SEMA6D: variants seen among roughly 807,000 people sequenced by gnomAD.
SEMA6D encodes semaphorin 6D.
SEMA6D carries 35 observed loss-of-function variants against 106.6 expected under a neutral mutation model. The observed-to-expected ratio is 0.33, with a 90% CI of 0.25 to 0.44. SEMA6D has a LOEUF of 0.44. Among genes scored for constraint, SEMA6D ranks in the 20% least tolerant of loss-of-function variants. The probability of loss-of-function intolerance (pLI) is 1.00; values close to 1 mark genes in which losing one functional copy is unlikely to be tolerated. For synonymous variants in SEMA6D, 499 were observed against 487.7 expected (o/e 1.02, Z -0.31); for missense variants, 1,185 against 1,345.9 (o/e 0.88, Z 1.87).
In SEMA6D at chr15:47,242,044, C is replaced by A. The variant is rs545438797; in HGVS notation, c.-239+57626C>A. Among the ~76,000 whole-genome samples, 3 of 152,128 alleles carry A rather than the reference C, an allele frequency of 2.0e-5. No individual in the cohort carries two copies. In the East Asian group the frequency reaches 5.8e-4, roughly 29 times the overall value. On this transcript the variant is annotated intron_variant, in intron 1 of 19. Transcript: ENST00000558014. ...GTTTTGCTATTTAGAACTTGTGTGG[C>A]CTTGGATAAGTCACTCGATCACTCT... is the stretch of plus-strand genomic sequence containing the variant.
intron 3 of SEMA6D, among the ~76,000 whole-genome samples, chr15:47,533,321 C>A (rs537903921): frequency 6.6e-6 from 1 of 152,252 alleles, no homozygotes; most frequent in South Asian, 2.1e-4. Flanking sequence ...CTACTCTCTT[C>A]TGGAAATCAT....
intron 1 of SEMA6D, among the ~76,000 whole-genome samples, chr15:47,287,077 C>T (rs1024765434): frequency 2.6e-5 from 4 of 152,228 alleles, no homozygotes; most frequent in Middle Eastern, 3.4e-3. Flanking sequence ...TAAACAAGCT[C>T]TAGGGAAACG....
At chr15:47,752,070 C>T (rs2081471757) in intron 1 of SEMA6D, among the ~76,000 whole-genome samples, 2 of 152,110 alleles carry the variant, frequency 1.3e-5, no homozygotes, top group South Asian at 4.1e-4. Context: ...GGGGGCAGGA[C>T]TCAGAACCTG....
intron 3 of SEMA6D, among the ~76,000 whole-genome samples, chr15:47,552,076 G>C (rs2045712194): frequency 6.6e-6 from 1 of 151,942 alleles, no homozygotes; most frequent in South Asian, 2.1e-4. Context: ...GTTCATCACA[G>C]CGCTATGTAC....
intron 4 of SEMA6D, among the ~76,000 whole-genome samples, chr15:47,693,320 G>A (rs529396210): frequency 5.9e-5 from 9 of 152,224 alleles, no homozygotes; most frequent in Admixed American, 3.3e-4. Context: ...TGCCAACACC[G>A]TGATTTTGGA....
chr15:47,240,793 C>G (rs1442916373), intron 1 of SEMA6D, among the ~76,000 whole-genome samples: 2 of 152,036 alleles, frequency 1.3e-5, no homozygotes. Flanking sequence ...TTAGTCAAGG[C>G]CAAACATTTT....
At position 47,766,667 on chromosome 15, in the gene SEMA6D, G is replaced by T. The variant is rs1448543506; in HGVS notation, c.1698G>T (p.Gly566=). 2 of 1,606,620 alleles carry T rather than the reference G, an allele frequency of 1.2e-6. No individual in the cohort carries two copies. The highest frequency in any genetic ancestry group is 1.7e-6 in the Non-Finnish European group (2 of 1,173,954). Residue 566 remains glycine, a synonymous_variant, in exon 16 of 19, where the codon GGG becomes GGT. Coordinates refer to ENST00000536845, the MANE Select transcript of SEMA6D (RefSeq NM_001358351.3). ...DTEFGNTAHL[G]DCHEILPTST... is the part of the protein sequence containing the mutation. ...AATTCGGCAACACAGCTCATCTAGGGGACTGCCATGGTAAGACAGAATCTT... is the reference window on the plus strand; with the variant it reads ...AATTCGGCAACACAGCTCATCTAGGTGACTGCCATGGTAAGACAGAATCTT...
At chr15:47,289,103 C>A (rs989450639) in intron 1 of SEMA6D, among the ~76,000 whole-genome samples, 2 of 151,962 alleles carry the variant, frequency 1.3e-5, no homozygotes, top group African/African-American at 4.8e-5. Context: ...CTGATTATTG[C>A]AAAATGAACA....
At chr15:47,383,060 G>T (rs191597806) in intron 1 of SEMA6D, among the ~76,000 whole-genome samples, 1 of 152,104 alleles carries the variant, frequency 6.6e-6, no homozygotes, top group Admixed American at 6.6e-5. Context: ...GCCACCACCT[G>T]GTCCTAATTT....
chr15:47,540,210 G>T (rs937240919), intron 3 of SEMA6D, among the ~76,000 whole-genome samples: 1 of 152,002 alleles, frequency 6.6e-6, no homozygotes, highest in Non-Finnish European at 1.5e-5. Context: ...TTAAAACATG[G>T]TTTATTGTGA....
chr15:47,436,012 G>T (rs1320879940), intron 2 of SEMA6D, among the ~76,000 whole-genome samples: 2 of 152,086 alleles, frequency 1.3e-5, no homozygotes, highest in African/African-American at 4.8e-5. Context: ...TTCTGAGGGG[G>T]TTGAGTGTTT....
At chr15:47,530,172 G>A (rs2044910733) in intron 3 of SEMA6D, among the ~76,000 whole-genome samples, 1 of 152,218 alleles carries the variant, frequency 6.6e-6, no homozygotes, top group Admixed American at 6.5e-5. Context: ...CAGAACAGGA[G>A]AAGCTATTTG....
At chr15:47,463,983 C>T (rs1216737990) in intron 2 of SEMA6D, among the ~76,000 whole-genome samples, 1 of 152,158 alleles carries the variant, frequency 6.6e-6, no homozygotes, top group Non-Finnish European at 1.5e-5. Context: ...CCCTCTGCCT[C>T]TCTCTCATAA....
At chr15:47,220,637 C>T (rs1013602097) in intron 1 of SEMA6D, among the ~76,000 whole-genome samples, 1 of 152,142 alleles carries the variant, frequency 6.6e-6, no homozygotes, top group African/African-American at 2.4e-5. Context: ...TTACCAAGGT[C>T]GTATAGACAT....
intron 1 of SEMA6D, among the ~76,000 whole-genome samples, chr15:47,367,435 A>T (rs1480554552): frequency 6.6e-6 from 1 of 152,140 alleles, no homozygotes; most frequent in East Asian, 1.9e-4. Flanking sequence ...AATCCTAAGT[A>T]TTTTGTCTTC....
At chr15:47,701,572 A>G (rs922261194) in intron 4 of SEMA6D, among the ~76,000 whole-genome samples, 1 of 152,260 alleles carries the variant, frequency 6.6e-6, no homozygotes, top group East Asian at 1.9e-4. Context: ...AGTAAGCTCA[A>G]TTTAACCATC....
intron 1 of SEMA6D, among the ~76,000 whole-genome samples, chr15:47,283,723 G>C (rs1203830411): frequency 6.6e-6 from 1 of 152,122 alleles, no homozygotes; most frequent in East Asian, 1.9e-4. Context: ...AACACAGCAA[G>C]CACACCAGCT....
intron 1 of SEMA6D, among the ~76,000 whole-genome samples, chr15:47,357,365 G>A (rs989067815): frequency 6.6e-6 from 1 of 152,018 alleles, no homozygotes; most frequent in African/African-American, 2.4e-5. Context: ...TAAATAAAAT[G>A]GGACTGTGCA....
intron 2 of SEMA6D, among the ~76,000 whole-genome samples, chr15:47,421,534 C>T (rs530571762): frequency 6.6e-6 from 1 of 152,028 alleles, no homozygotes; most frequent in Non-Finnish European, 1.5e-5. Context: ...AATTTTAATG[C>T]TTTGTTTTTG....
Sources: allele counts gnomAD v4.1 joint callset (sites outside exome capture counted in the v4.1 genomes callset), GRCh38; gene constraint gnomAD v4.1.1; transcripts MANE v1.5; gene names NCBI Gene and HGNC (gene_info 2026-07-23, HGNC 2026-07-21).